Variants in OR2L13 observed in about 807,000 individuals in gnomAD.
OR2L13 encodes olfactory receptor family 2 subfamily L member 13.
Under a neutral mutation model 15.3 loss-of-function variants are expected in OR2L13, and 14 were observed. The observed-to-expected ratio is 0.91, with a 90% CI of 0.60 to 1.43. The LOEUF is 1.43. Among genes scored for constraint, OR2L13 ranks in the 40% most tolerant of loss-of-function variants. The pLI is 0.00. For missense variants in OR2L13, 367 were observed against 387.9 expected, an observed-to-expected ratio of 0.95 and a Z score of 0.45; for synonymous variants, 152 against 142.9, an observed-to-expected ratio of 1.06 and a Z score of -0.45.
chr1:248,058,317 A>G, the OR2L13 span, among the ~76,000 whole-genome samples: 1 of 152,058 alleles, frequency 6.6e-6, no homozygotes, highest in African/African-American at 2.4e-5. Context: ...GATTTTCTAT[A>G]TCTCAAATAT....
the OR2L13 span, among the ~76,000 whole-genome samples, chr1:248,047,182 C>T: frequency 1.4e-3 from 209 of 152,198 alleles, 1 homozygote; most frequent in African/African-American, 4.9e-3. Flanking sequence ...AATTAAAGAA[C>T]CCACATTCAT....
upstream of OR2L13, among the ~76,000 whole-genome samples, chr1:248,096,366 C>G (rs1315202266): frequency 2.8e-5 from 4 of 144,780 alleles, no homozygotes; most frequent in South Asian, 2.2e-4. Flanking sequence ...CTGGGCGACA[C>G]AGTGAGACTC....
chr1:248,095,607 CTTTTTTTT>C (rs780686820), upstream of OR2L13, among the ~76,000 whole-genome samples: 1 of 37,294 alleles, frequency 2.7e-5, no homozygotes. Flanking sequence ...AAAGCTGCTG[CTTTTTTTT>C]TTTTTTTTTG....
chr1:247,997,060 C>T, the OR2L13 span: 2 of 152,114 alleles, frequency 1.3e-5, no homozygotes, highest in Non-Finnish European at 2.9e-5. Context: ...TTTCTTGGTT[C>T]CTTTCCACTC....
chr1:247,987,665 G>A, the OR2L13 span, among the ~76,000 whole-genome samples: 1 of 151,930 alleles, frequency 6.6e-6, no homozygotes, highest in Non-Finnish European at 1.5e-5. Context: ...CCCTGTTTTT[G>A]CCCATGTATT....
the OR2L13 span, among the ~76,000 whole-genome samples, chr1:247,943,642 C>T: frequency 6.6e-6 from 1 of 152,070 alleles, no homozygotes; most frequent in Admixed American, 6.6e-5. Flanking sequence ...GTTTGACTTG[C>T]ACCTTTTTAT....
At chr1:248,082,705 C>G in the OR2L13 span, among the ~76,000 whole-genome samples, 1 of 152,098 alleles carries the variant, frequency 6.6e-6, no homozygotes. Context: ...AACCCCAAAC[C>G]TTTAGAAGGT....
the OR2L13 span, chr1:247,949,215 G>A: frequency 6.2e-7 from 1 of 1,614,224 alleles, no homozygotes; most frequent in African/African-American, 1.3e-5. Context: ...TATGGCCTAT[G>A]ATCGTTACAT....
chr1:247,947,908 A>G, the OR2L13 span, among the ~76,000 whole-genome samples: 1 of 152,224 alleles, frequency 6.6e-6, no homozygotes, highest in African/African-American at 2.4e-5. Flanking sequence ...CTGCAGTTTT[A>G]GAAGTAAATC....
the OR2L13 span, among the ~76,000 whole-genome samples, chr1:247,962,034 C>G: frequency 6.6e-6 from 1 of 152,166 alleles, no homozygotes; most frequent in South Asian, 2.1e-4. Context: ...ATGATCCCTC[C>G]CCTCCTCCAT....
At chr1:248,092,422 G>T (rs1664619260), upstream of OR2L13, among the ~76,000 whole-genome samples, 1 of 152,122 alleles carries the variant, frequency 6.6e-6, no homozygotes, top group South Asian at 2.1e-4. Context: ...ATTAAAGTTG[G>T]ATATTCAGCA....
chr1:248,046,036 ATAG>A, the OR2L13 span: 1 of 151,440 alleles, frequency 6.6e-6, no homozygotes, highest in Non-Finnish European at 1.5e-5. Context: ...CTTTTCTCAG[ATAG>A]ATGGTATAAT....
the OR2L13 span, chr1:247,997,077 C>A: frequency 6.6e-6 from 1 of 152,124 alleles, no homozygotes; most frequent in Non-Finnish European, 1.5e-5. Context: ...ACTCCCACTG[C>A]TTCATCTGAC....
chr1:247,987,062 A>C, the OR2L13 span, among the ~76,000 whole-genome samples: 2 of 151,784 alleles, frequency 1.3e-5, no homozygotes, highest in Non-Finnish European at 2.9e-5. Context: ...TTTTGATACT[A>C]TTGTAAATAA....
the OR2L13 span, among the ~76,000 whole-genome samples, chr1:248,075,445 T>G: frequency 6.6e-6 from 1 of 152,206 alleles, no homozygotes; most frequent in Non-Finnish European, 1.5e-5. Context: ...TCCACAATGG[T>G]TGAACTAATT....
chr1:248,037,695 T>A, the OR2L13 span, among the ~76,000 whole-genome samples: 4 of 152,222 alleles, frequency 2.6e-5, no homozygotes, highest in Non-Finnish European at 5.9e-5. Flanking sequence ...TAAGGATTTT[T>A]AAAAACAATT....
the OR2L13 span, among the ~76,000 whole-genome samples, chr1:247,950,219 G>A: frequency 6.6e-6 from 1 of 151,920 alleles, no homozygotes; most frequent in African/African-American, 2.4e-5. Flanking sequence ...GCCATAAGAT[G>A]TTTTCTGTTT....
At chr1:248,041,565 A>G in the OR2L13 span, 1 of 152,212 alleles carries the variant, frequency 6.6e-6, no homozygotes, top group African/African-American at 2.4e-5. Context: ...CATCAGAGTG[A>G]ACAGGCAACC....
chr1:248,060,725 G>A, the OR2L13 span: 6 of 1,613,816 alleles, frequency 3.7e-6, no homozygotes, highest in Non-Finnish European at 5.1e-6. Flanking sequence ...ATCTTATTAG[G>A]ATTCTTCCCA....
Sources: gnomAD v4.1 joint callset for allele counts (sites outside exome capture counted in the v4.1 genomes callset) on GRCh38, gnomAD v4.1.1 for gene constraint, MANE v1.5 for transcripts, NCBI Gene and HGNC (gene_info 2026-07-23, HGNC 2026-07-21) for gene names.